ZC3H18: variants seen among roughly 807,000 people sequenced by gnomAD.
The protein encoded by ZC3H18 is zinc finger CCCH domain-containing protein 18.
ZC3H18 carries 8 observed loss-of-function variants against 106.1 expected under a neutral mutation model. The ratio of observed to expected loss-of-function variants is 0.08; its 90% CI spans 0.04 to 0.14. The LOEUF is 0.14. ZC3H18 is among the 10% of genes least tolerant of loss of function. The pLI is 1.00. For synonymous variants in ZC3H18, 635 were observed against 522.1 expected (o/e 1.22, Z -2.95); for missense variants, 1,318 against 1,278.4 (o/e 1.03, Z -0.47).
chr16:88,582,169 A>G (rs958450500), intron 2 of ZC3H18, among the ~76,000 whole-genome samples: 6 of 135,436 alleles, frequency 4.4e-5, no homozygotes, highest in African/African-American at 1.1e-4. Context: ...TTCTTTGCAC[A>G]TGGTCTTTAA....
At chr16:88,625,101 C>T in intron 12 of ZC3H18, 101 bp from the exon 13 acceptor site, 1 of 1,377,696 alleles carries the variant, frequency 7.3e-7, no homozygotes, top group Non-Finnish European at 1.0e-6. Flanking sequence ...GTAGCAAGGC[C>T]AGTCTGGAGG....
At chr16:88,572,315 A>G (rs558172540) in intron 1 of ZC3H18, among the ~76,000 whole-genome samples, 1 of 152,154 alleles carries the variant, frequency 6.6e-6, no homozygotes, top group Non-Finnish European at 1.5e-5. Context: ...TATTACTATT[A>G]TTTTTTGAGA....
chr16:88,589,604 A>T (rs1029185618), intron 3 of ZC3H18, among the ~76,000 whole-genome samples: 4 of 151,792 alleles, frequency 2.6e-5, no homozygotes, highest in Non-Finnish European at 5.9e-5. Flanking sequence ...CTCACGCCGC[A>T]ACGTGGACGA....
At chr16:88,576,466 G>T (rs1914758378) in intron 1 of ZC3H18, among the ~76,000 whole-genome samples, 1 of 152,174 alleles carries the variant, frequency 6.6e-6, no homozygotes. Context: ...TGCTGAGCGG[G>T]TGAACACAGC....
At position 88,588,273 on chromosome 16, in the gene ZC3H18, T is replaced by C. The variant is rs956439488; in HGVS notation, c.688+1589T>C. ...ATGTACGTGTACACATTTGCAGTCA[T>C]TTTGAATCAGCACCCATCACAGTGC... On this transcript the variant is annotated intron_variant, in intron 3 of 17. Coordinates refer to ENST00000301011, the MANE Select transcript of ZC3H18 (RefSeq NM_144604.4). 2.6e-5 allele frequency among the ~76,000 whole-genome samples: 4 copies of C among 152,294 alleles called. No homozygotes were observed. The East Asian group carries it at 5.8e-4, about 22-fold the overall frequency.
intron 12 of ZC3H18, 29 bp downstream of exon 12, chr16:88,624,774 G>A: frequency 6.3e-7 from 1 of 1,586,632 alleles, no homozygotes; most frequent in East Asian, 2.3e-5. Flanking sequence ...GGGGCCCTCA[G>A]GCTTTCCGTG....
intron 3 of ZC3H18, among the ~76,000 whole-genome samples, chr16:88,595,929 C>T (rs1187113485): frequency 6.6e-6 from 1 of 152,158 alleles, no homozygotes; most frequent in African/African-American, 2.4e-5. Flanking sequence ...GATAAAAGTT[C>T]ACATTTTAAA....
rs772874383 is a variant in ZC3H18 at position 88,624,623 on chromosome 16, G to A, written c.1920G>A (p.Pro640=). ...GKAGEKSVKK[P]APPPAPPQAT... is the part of the protein sequence containing the mutation. ...ACAGAGAGAAGTCAGTGAAGAAGCC[G>A]GCCCCGCCTCCAGCCCCACCACAGG... is the stretch of plus-strand genomic sequence containing the variant. Residue 640 remains proline (P), a synonymous_variant, in exon 12 of 18, where the codon CCG becomes CCA. Transcript: ENST00000301011. 163 of 1,613,684 alleles carry A rather than the reference G, an allele frequency of 1.0e-4. No homozygotes were observed. Among genetic ancestry groups the A allele is most frequent in the Admixed American group, 2.2e-4 (13 of 59,990 alleles).
At chr16:88,596,070 G>A (rs770381809) in intron 3 of ZC3H18, among the ~76,000 whole-genome samples, 1 of 152,224 alleles carries the variant, frequency 6.6e-6, no homozygotes, top group Non-Finnish European at 1.5e-5. Flanking sequence ...GCAGGACAGC[G>A]CTCAGCACCC....
chr16:88,624,297 G>T, intron 11 of ZC3H18: 1 of 669,472 alleles, frequency 1.5e-6, no homozygotes, highest in Non-Finnish European at 2.5e-6. Flanking sequence ...CACAGCCCTG[G>T]GGACACGGCA....
At chr16:88,570,613 GGGA>G (rs1049364444) in intron 1 of ZC3H18, 47 bp downstream of exon 1, 3 of 150,994 alleles carry the variant, frequency 2.0e-5, no homozygotes, top group African/African-American at 4.9e-5. Flanking sequence ...CGGCGGCGGC[GGGA>G]GGAGGAGGCC....
intron 3 of ZC3H18, among the ~76,000 whole-genome samples, chr16:88,592,248 G>C (rs1489256731): frequency 6.6e-6 from 1 of 152,034 alleles, no homozygotes; most frequent in Admixed American, 6.5e-5. Flanking sequence ...ACTGGGTTTT[G>C]ATCTGCCTTT....
intron 8 of ZC3H18, among the ~76,000 whole-genome samples, chr16:88,612,417 A>C (rs759251497): frequency 6.6e-6 from 1 of 151,632 alleles, no homozygotes. Context: ...TGCACCCTGC[A>C]CTTTGGGAGG....
chr16:88,623,900 T>C lies in ZC3H18; in HGVS notation c.1794-58T>C, dbSNP rs1158827276. The C allele has an allele frequency of 5.8e-6, 9 of 1,549,130 alleles. No homozygotes were observed. The African/African-American group carries it at 1.2e-4, about 21-fold the overall frequency. Reference sequence around the variant, plus strand: ...GGGTCTGGGTGGGTCCTCAGTGGGCTTGGGCTGGTGAAGAAACACCCCCAG... The same window carrying C: ...GGGTCTGGGTGGGTCCTCAGTGGGCCTGGGCTGGTGAAGAAACACCCCCAG... On this transcript the variant is annotated intron_variant, in intron 10 of 17. Coordinates refer to ENST00000301011, the MANE Select transcript of ZC3H18 (RefSeq NM_144604.4).
At chr16:88,609,610 TTG>T (rs1162330250) in intron 7 of ZC3H18, among the ~76,000 whole-genome samples, 1 of 151,740 alleles carries the variant, frequency 6.6e-6, no homozygotes, top group East Asian at 1.9e-4. Flanking sequence ...CCTGGGTTGT[TTG>T]TTTTGGAGAC....
chr16:88,581,902 C>T (rs912902897), intron 2 of ZC3H18, among the ~76,000 whole-genome samples: 1 of 152,316 alleles, frequency 6.6e-6, no homozygotes, highest in Middle Eastern at 3.4e-3. Flanking sequence ...TCTGTCTGCC[C>T]GCTCTTTTGC....
intron 6 of ZC3H18, among the ~76,000 whole-genome samples, chr16:88,606,398 C>G (rs769557225): frequency 2.6e-5 from 4 of 152,230 alleles, no homozygotes; most frequent in African/African-American, 4.8e-5. Flanking sequence ...GTGCCTCATT[C>G]CTATCCGCTC....
intron 8 of ZC3H18, among the ~76,000 whole-genome samples, chr16:88,617,207 T>G (rs1185796854): frequency 6.6e-6 from 1 of 152,184 alleles, no homozygotes; most frequent in Non-Finnish European, 1.5e-5. Flanking sequence ...GCTGTTTGGC[T>G]CTGGGAGTTA....
At chr16:88,578,839 C>T (rs575010291) in intron 2 of ZC3H18, among the ~76,000 whole-genome samples, 12 of 152,286 alleles carry the variant, frequency 7.9e-5, no homozygotes, top group East Asian at 3.9e-4. Context: ...TACAGGCGCC[C>T]GCCACCACTG....
Sources: gnomAD v4.1 joint callset for allele counts (sites outside exome capture counted in the v4.1 genomes callset) on GRCh38, gnomAD v4.1.1 for gene constraint, MANE v1.5 for transcripts, NCBI Gene and HGNC (gene_info 2026-07-23, HGNC 2026-07-21) for gene names.